GABBR2: variants seen among roughly 807,000 people sequenced by gnomAD.
The protein encoded by GABBR2 is gamma-aminobutyric acid type B receptor subunit 2, also known as G-protein coupled receptor 51.
GABBR2 carries 23 observed loss-of-function variants against 105.6 expected under a neutral mutation model. The observed-to-expected ratio is 0.22, with a 90% CI of 0.16 to 0.31. GABBR2 has a LOEUF of 0.31. Among genes scored for constraint, GABBR2 ranks in the 10% least tolerant of loss-of-function variants. The pLI, the probability that GABBR2 is intolerant of heterozygous loss-of-function variation, is 1.00. For missense variants in GABBR2, 734 were observed against 1,245.5 expected (o/e 0.59, Z 6.18); for synonymous variants, 478 against 499.7 (o/e 0.96, Z 0.58).
At chr9:98,634,591 T>A (rs2131831162) in intron 1 of GABBR2, among the ~76,000 whole-genome samples, 1 of 152,228 alleles carries the variant, frequency 6.6e-6, no homozygotes, top group African/African-American at 2.4e-5. Flanking sequence ...GCAAGGAGGA[T>A]CCTGCCCTAG....
intron 1 of GABBR2, among the ~76,000 whole-genome samples, chr9:98,616,491 C>T (rs1417399913): frequency 3.9e-5 from 6 of 152,206 alleles, no homozygotes; most frequent in Non-Finnish European, 7.3e-5. Flanking sequence ...CGGTGCCTCA[C>T]GCCTGTAATC....
At chr9:98,403,754 A>AT (rs200975032) in intron 8 of GABBR2, among the ~76,000 whole-genome samples, 2,980 of 128,286 alleles carry the variant, frequency 0.023, 106 homozygotes, top group African/African-American at 0.074. Flanking sequence ...GAGAAAAAAA[A>AT]AAATATATAT....
intron 3 of GABBR2, among the ~76,000 whole-genome samples, chr9:98,514,994 G>A (rs2131703090): frequency 6.6e-6 from 1 of 152,228 alleles, no homozygotes; most frequent in South Asian, 2.1e-4. Flanking sequence ...GAAAGGGCCA[G>A]TTCCAGTGGG....
intron 1 of GABBR2, among the ~76,000 whole-genome samples, chr9:98,587,334 C>T (rs551280454): frequency 6.6e-6 from 1 of 152,268 alleles, no homozygotes; most frequent in African/African-American, 2.4e-5. Flanking sequence ...GTTAATGCGG[C>T]TTCAGTCTGC....
In GABBR2 at chr9:98,303,440, T is replaced by TG. The variant is rs1197543091; in HGVS notation, c.2230-18dup. 3 of 1,611,610 alleles carry TG rather than the reference T, an allele frequency of 1.9e-6. No individual in the cohort carries two copies. In the African/African-American group the frequency reaches 4.0e-5, roughly 22 times the overall value. On this transcript the variant is annotated splice_polypyrimidine_tract_variant and intron_variant, in intron 15 of 18. Coordinates refer to ENST00000259455, the MANE Select transcript of GABBR2 (RefSeq NM_005458.8). Reference sequence around the variant, plus strand: ...GGTGATGAGCTGAAAGGACAAAGGTTGGGGCGGGGTTGAAGAGAGAGCCTT... The same window carrying TG: ...GGTGATGAGCTGAAAGGACAAAGGTTGGGGGCGGGGTTGAAGAGAGAGCCTT...
At chr9:98,693,159 T>A (rs934961199) in intron 1 of GABBR2, among the ~76,000 whole-genome samples, 1 of 152,208 alleles carries the variant, frequency 6.6e-6, no homozygotes, top group Admixed American at 6.5e-5. Context: ...TCTGCCTTGC[T>A]ACCATGGCCT....
chr9:98,415,790 A>G (rs2131546589), intron 7 of GABBR2, among the ~76,000 whole-genome samples: 1 of 152,328 alleles, frequency 6.6e-6, no homozygotes, highest in African/African-American at 2.4e-5. Context: ...AGGGTCACAT[A>G]ACGAGTAGGC....
At chr9:98,587,233 T>G (rs767411007) in intron 1 of GABBR2, among the ~76,000 whole-genome samples, 13 of 152,318 alleles carry the variant, frequency 8.5e-5, no homozygotes, top group Non-Finnish European at 1.8e-4. Flanking sequence ...TACTGGGTTG[T>G]CTTTTCCTTA....
At chr9:98,514,048 T>C (rs35825214) in intron 3 of GABBR2, among the ~76,000 whole-genome samples, 17,280 of 150,998 alleles carry the variant, frequency 0.11, 1,663 homozygotes, top group East Asian at 0.5. Flanking sequence ...ATGTGGCACA[T>C]ATACACCATG....
chr9:98,677,309 G>C (rs1830489354), intron 1 of GABBR2, among the ~76,000 whole-genome samples: 1 of 152,200 alleles, frequency 6.6e-6, no homozygotes, highest in Admixed American at 6.5e-5. Context: ...ACAGCTGAAG[G>C]CTTGATCCAG....
intron 10 of GABBR2, among the ~76,000 whole-genome samples, chr9:98,387,707 G>A (rs892585001): frequency 1.3e-5 from 2 of 151,964 alleles, no homozygotes; most frequent in African/African-American, 4.8e-5. Context: ...CAGGAGGATC[G>A]CTTGAGTCCA....
chr9:98,589,009 C>T (rs560658335), intron 1 of GABBR2, among the ~76,000 whole-genome samples: 2 of 152,236 alleles, frequency 1.3e-5, no homozygotes, highest in Non-Finnish European at 2.9e-5. Context: ...GAGCTGACAG[C>T]CTCCAGGTGT....
intron 2 of GABBR2, among the ~76,000 whole-genome samples, chr9:98,576,331 C>G (rs2778905): frequency 0.12 from 17,934 of 152,276 alleles, 1,392 homozygotes; most frequent in Admixed American, 0.21. Flanking sequence ...CTATCACAAG[C>G]TGCCTTCCTC....
At chr9:98,603,142 A>C (rs964087531) in intron 1 of GABBR2, among the ~76,000 whole-genome samples, 3 of 152,194 alleles carry the variant, frequency 2.0e-5, no homozygotes, top group Admixed American at 1.3e-4. Context: ...GTTTCATGTC[A>C]ATAAATACCC....
chr9:98,517,577 G>A (rs747374284), intron 3 of GABBR2, among the ~76,000 whole-genome samples: 5 of 152,184 alleles, frequency 3.3e-5, no homozygotes, highest in Admixed American at 6.5e-5. Context: ...AAACTTCATT[G>A]TAAGTGAGGA....
intron 7 of GABBR2, among the ~76,000 whole-genome samples, chr9:98,436,810 A>T (rs1208319203): frequency 6.6e-6 from 1 of 152,180 alleles, no homozygotes; most frequent in Non-Finnish European, 1.5e-5. Context: ...CAAGTCTGTC[A>T]CAGAGGATGT....
chr9:98,465,386 G>C (rs1006681390), intron 6 of GABBR2, among the ~76,000 whole-genome samples: 39 of 152,128 alleles, frequency 2.6e-4, no homozygotes, highest in African/African-American at 9.4e-4. Flanking sequence ...TATACAAAAT[G>C]TATTTCAGGT....
At chr9:98,496,817 A>G (rs919405926) in intron 3 of GABBR2, among the ~76,000 whole-genome samples, 1 of 152,170 alleles carries the variant, frequency 6.6e-6, no homozygotes, top group Admixed American at 6.5e-5. Context: ...TCTCCACCAC[A>G]TCACACTGTC....
intron 1 of GABBR2, among the ~76,000 whole-genome samples, chr9:98,654,726 A>G (rs982695379): frequency 6.6e-6 from 1 of 152,200 alleles, no homozygotes; most frequent in Non-Finnish European, 1.5e-5. Flanking sequence ...TGAAGACACA[A>G]AAAAAAGCAG....
Sources: allele counts gnomAD v4.1 joint callset (sites outside exome capture counted in the v4.1 genomes callset), GRCh38; gene constraint gnomAD v4.1.1; transcripts MANE v1.5; gene names NCBI Gene and HGNC (gene_info 2026-07-23, HGNC 2026-07-21).